The following GRHL2 variants were observed in gnomAD, a reference collection of about 807,000 sequenced individuals.
The protein encoded by GRHL2 is grainyhead-like protein 2 homolog.
A neutral mutation model predicts 83.8 loss-of-function variants in GRHL2; 21 were observed. That is an observed-to-expected ratio of 0.25 (90% confidence interval 0.18 to 0.36). The LOEUF is 0.36. Among genes scored for constraint, GRHL2 ranks in the 10% least tolerant of loss-of-function variants. The pLI is 1.00. For missense variants in GRHL2, 623 were observed against 781.8 expected, an observed-to-expected ratio of 0.80 and a Z score of 2.42; for synonymous variants, 280 against 278.9, an observed-to-expected ratio of 1.00 and a Z score of -0.04.
Position 101,669,513 on chromosome 8 carries a change from T to C in GRHL2, c.*2810T>C, listed in dbSNP as rs1814162772. The C allele has an allele frequency of 6.6e-6, 1 of 152,530 alleles. No individual in the cohort carries two copies. Among genetic ancestry groups the C allele is most frequent in the Non-Finnish European group, 1.5e-5 (1 of 68,018 alleles). 9.4% of individuals were successfully genotyped at this position (152,530 alleles called of 1,614,324 possible). A position where few individuals can be genotyped will look rare whatever the true frequency, so the allele number is the denominator to read the frequency against. On this transcript the variant is annotated 3_prime_UTR_variant, in exon 16 of 16. Transcript: ENST00000646743. The stretch of plus-strand genomic sequence containing the variant: ...GCAAATGCAACAGAAATAGAGGGTT[T>C]GTGCCAAATGCTATGAACGGCCCTT...
intron 4 of GRHL2, among the ~76,000 whole-genome samples, chr8:101,566,518 C>T (rs1394117125): frequency 6.7e-6 from 1 of 150,006 alleles, no homozygotes; most frequent in Non-Finnish European, 1.5e-5. Context: ...GCCCGGTCCT[C>T]TCTTCTGAAC....
At chr8:101,493,467 T>C (rs1810016497) in intron 1 of GRHL2, among the ~76,000 whole-genome samples, 1 of 133,870 alleles carries the variant, frequency 7.5e-6, no homozygotes, top group Non-Finnish European at 1.6e-5. Context: ...CGCCCCCGCA[T>C]TGTTTGGCCA....
At chr8:101,566,438 T>A (rs1002029602) in intron 4 of GRHL2, among the ~76,000 whole-genome samples, 1 of 151,852 alleles carries the variant, frequency 6.6e-6, no homozygotes, top group African/African-American at 2.4e-5. Context: ...CTCTTGCAAA[T>A]GCTCTTGGCT....
intron 2 of GRHL2, among the ~76,000 whole-genome samples, chr8:101,551,908 T>C (rs1052255486): frequency 6.6e-6 from 1 of 151,038 alleles, no homozygotes; most frequent in Admixed American, 6.6e-5. Context: ...CGATCTCGGC[T>C]CACTGCAAGC....
At chr8:101,578,091 C>T (rs1448841226) in intron 7 of GRHL2, among the ~76,000 whole-genome samples, 1 of 152,158 alleles carries the variant, frequency 6.6e-6, no homozygotes, top group Admixed American at 6.5e-5. Flanking sequence ...GACCAGCAGC[C>T]CCCTGGATGG....
Position 101,669,257 on chromosome 8 carries a change from T to TTTTTCTTTTTTTC in GRHL2, c.*2558_*2559insCTTTTTTTCTTTT, listed in dbSNP as rs1252871672. 1 of 148,244 alleles carries TTTTTCTTTTTTTC rather than the reference T, an allele frequency of 6.7e-6. No homozygotes were observed. Among genetic ancestry groups the TTTTTCTTTTTTTC allele is most frequent in the African/African-American group, 2.5e-5 (1 of 40,556 alleles). 9.2% of individuals were successfully genotyped at this position (148,244 alleles called of 1,614,324 possible). Reference sequence around the variant, plus strand: ...CATGTGAAATGAGCATTTTTTTCTTTTTTTTTTTTAACAAAGTCTGAACTG... The same window carrying TTTTTCTTTTTTTC: ...CATGTGAAATGAGCATTTTTTTCTTTTTTTCTTTTTTTCTTTTTTTTTAACAAAGTCTGAACTG... On this transcript the variant is annotated 3_prime_UTR_variant, in exon 16 of 16. Transcript: ENST00000646743.
At chr8:101,507,767 TC>T (rs1810369780) in intron 1 of GRHL2, among the ~76,000 whole-genome samples, 1 of 135,334 alleles carries the variant, frequency 7.4e-6, no homozygotes, top group Non-Finnish European at 1.5e-5. Context: ...TGAATGATTA[TC>T]CCTTTTTTTT....
In GRHL2 at chr8:101,666,601, C is replaced by T. The variant is rs1325557813; in HGVS notation, c.1776C>T (p.Asn592=). ...CCCTCCATGGCAGCATCTTGGTGAA[C>T]ATGGATGACAACATCATCGAGCACT... ...YKKSKKGILV[N]MDDNIIEHYS... Residue 592 remains asparagine, a synonymous_variant, in exon 16 of 16, where the codon AAC becomes AAT. Coordinates refer to ENST00000646743, the MANE Select transcript of GRHL2 (RefSeq NM_024915.4). 2 of 1,607,602 alleles carry T rather than the reference C, an allele frequency of 1.2e-6. No individual in the cohort carries two copies. Among genetic ancestry groups the T allele is most frequent in the South Asian group, 1.1e-5 (1 of 90,926 alleles).
intron 3 of GRHL2, among the ~76,000 whole-genome samples, chr8:101,556,857 C>T (rs960920047): frequency 3.3e-5 from 5 of 152,152 alleles, no homozygotes; most frequent in African/African-American, 9.7e-5. Flanking sequence ...TTGTCCTAGT[C>T]CTTCAAATTA....
intron 1 of GRHL2, among the ~76,000 whole-genome samples, chr8:101,533,661 G>T (rs1341192408): frequency 2.0e-5 from 3 of 152,220 alleles, no homozygotes; most frequent in African/African-American, 7.2e-5. Flanking sequence ...AAAGGAATTG[G>T]AAATTCCAGC....
intron 1 of GRHL2, among the ~76,000 whole-genome samples, chr8:101,523,208 A>G (rs1050181716): frequency 1.3e-5 from 2 of 151,626 alleles, no homozygotes; most frequent in Admixed American, 6.6e-5. Flanking sequence ...CACTGCGCCC[A>G]GCCAACATCT....
intron 5 of GRHL2, 102 bp from the exon 6 acceptor site, chr8:101,573,566 A>T: frequency 7.1e-7 from 1 of 1,410,272 alleles, no homozygotes; most frequent in Non-Finnish European, 1.0e-6. Flanking sequence ...AAAACAGTAA[A>T]CATTGGTTAA....
chr8:101,530,744 GTCTTTC>G (rs1810906850), intron 1 of GRHL2, among the ~76,000 whole-genome samples: 1 of 152,098 alleles, frequency 6.6e-6, no homozygotes, highest in Non-Finnish European at 1.5e-5. Flanking sequence ...TAAACTTGTT[GTCTTTC>G]TTCAGGGAGC....
intron 1 of GRHL2, among the ~76,000 whole-genome samples, chr8:101,496,488 T>C (rs1810108562): frequency 6.6e-6 from 1 of 152,174 alleles, no homozygotes; most frequent in East Asian, 1.9e-4. Flanking sequence ...GAATATGCCT[T>C]GAATGCCACT....
chr8:101,559,184 T>G (rs753026045), intron 4 of GRHL2, among the ~76,000 whole-genome samples: 34 of 151,980 alleles, frequency 2.2e-4, no homozygotes, highest in Non-Finnish European at 8.8e-5. Flanking sequence ...GGTAGGTAGC[T>G]AAAGGTAGGG....
At chr8:101,638,543 T>G (rs1412510195) in intron 12 of GRHL2, among the ~76,000 whole-genome samples, 2 of 152,228 alleles carry the variant, frequency 1.3e-5, no homozygotes, top group African/African-American at 4.8e-5. Context: ...AGAGACCATA[T>G]GGCCTGCAAA....
intron 8 of GRHL2, among the ~76,000 whole-genome samples, chr8:101,610,385 G>A (rs1586142053): frequency 1.3e-5 from 2 of 150,884 alleles, no homozygotes; most frequent in East Asian, 3.9e-4. Flanking sequence ...AATCCTACAG[G>A]AAGGAGGGCT....
chr8:101,636,831 C>G (rs868370346), intron 11 of GRHL2, 66 bp from the exon 12 acceptor site: 6 of 1,405,772 alleles, frequency 4.3e-6, no homozygotes, highest in Non-Finnish European at 6.1e-6. Flanking sequence ...AAAGTCTGTA[C>G]ATCACGTAAT....
At chr8:101,612,325 G>A (rs1246426093) in intron 8 of GRHL2, among the ~76,000 whole-genome samples, 1 of 150,834 alleles carries the variant, frequency 6.6e-6, no homozygotes, top group East Asian at 1.9e-4. Context: ...AGAGTCTGGA[G>A]TATTCAATTT....
Sources: allele counts gnomAD v4.1 joint callset (sites outside exome capture counted in the v4.1 genomes callset), GRCh38; gene constraint gnomAD v4.1.1; transcripts MANE v1.5; gene names NCBI Gene and HGNC (gene_info 2026-07-23, HGNC 2026-07-21).